WDR17: variants seen among roughly 807,000 people sequenced by gnomAD.
WDR17 encodes the protein WD repeat-containing protein 17.
Under a neutral mutation model 161.7 loss-of-function variants are expected in WDR17, and 143 were observed. The ratio of observed to expected loss-of-function variants is 0.88; its 90% confidence interval spans 0.77 to 1.02. The LOEUF (loss-of-function observed/expected upper bound fraction) is 1.02, where lower values mean the gene tolerates loss of function less well. WDR17 is among the 50% of genes least tolerant of loss of function. The pLI, the probability that WDR17 is intolerant of heterozygous loss-of-function variation, is 0.00. For missense variants in WDR17, 1,469 were observed against 1,520.9 expected (o/e 0.97, Z 0.57); for synonymous variants, 517 against 515.6 (o/e 1.00, Z -0.04).
intron 1 of WDR17, among the ~76,000 whole-genome samples, chr4:176,087,014 C>T (rs1735505653): frequency 6.6e-6 from 1 of 151,806 alleles, no homozygotes; most frequent in African/African-American, 2.4e-5. Context: ...TCCATTTATC[C>T]TGCTGTCTTT....
At chr4:176,135,049 A>G (rs1011316833) in intron 7 of WDR17, 59 bp from the exon 8 acceptor site, 9 of 1,521,896 alleles carry the variant, frequency 5.9e-6, no homozygotes, top group Non-Finnish European at 7.2e-6. Context: ...ATTGTGGTTC[A>G]TCTATTAATA....
At position 176,107,537 on chromosome 4, in the gene WDR17, C is replaced by A. The variant is rs185561399; in HGVS notation, c.-6-4038C>A. Among the ~76,000 whole-genome samples, 72 of 151,066 alleles carry A rather than the reference C, an allele frequency of 4.8e-4. 1 individual carries two copies. Among genetic ancestry groups the A allele is most frequent in the African/African-American group, 1.7e-3 (69 of 41,054 alleles). ...TAAAACATGGAAGCAATCCAGGCGA[C>A]AAATCACAGACACGTGGATAAGGAA... On this transcript the variant is annotated intron_variant, in intron 1 of 28. Coordinates refer to ENST00000508596, the MANE Select transcript of WDR17 (RefSeq NM_181265.4).
chr4:176,168,849 C>T, intron 23 of WDR17, 66 bp downstream of exon 23: 1 of 1,542,564 alleles, frequency 6.5e-7, no homozygotes, highest in East Asian at 2.3e-5. Flanking sequence ...ATTGTAGGTT[C>T]AAGCAAATAG....
At chr4:176,104,985 T>G (rs1282322238) in intron 1 of WDR17, among the ~76,000 whole-genome samples, 1 of 151,658 alleles carries the variant, frequency 6.6e-6, no homozygotes, top group Non-Finnish European at 1.5e-5. Flanking sequence ...CGTCTACAGT[T>G]GATTCACTTG....
intron 1 of WDR17, among the ~76,000 whole-genome samples, chr4:176,093,494 T>A (rs918716771): frequency 1.3e-5 from 2 of 152,198 alleles, no homozygotes; most frequent in Non-Finnish European, 2.9e-5. Context: ...TCTATTTTAT[T>A]TTAATTACTG....
intron 25 of WDR17, 112 bp from the exon 26 acceptor site, chr4:176,174,505 A>G (rs374783613): frequency 5.9e-6 from 4 of 677,948 alleles, no homozygotes; most frequent in Admixed American, 3.6e-5. Context: ...CTAAACATAT[A>G]TTGCTATAAA....
At chr4:176,173,069 T>A (rs1307938408) in intron 24 of WDR17, among the ~76,000 whole-genome samples, 198 bp from the exon 25 acceptor site, 1 of 152,178 alleles carries the variant, frequency 6.6e-6, no homozygotes, top group African/African-American at 2.4e-5. Flanking sequence ...AGAGTGATGC[T>A]GATGTGAAAT....
At chr4:176,159,966 G>A in intron 18 of WDR17, 28 bp from the exon 19 acceptor site, 1 of 1,548,230 alleles carries the variant, frequency 6.5e-7, no homozygotes, top group Non-Finnish European at 8.8e-7. Flanking sequence ...ATAATATATT[G>A]TTTAAAAAAC....
rs1751934197 is a variant in WDR17 at position 176,179,529 on chromosome 4, G to A, written c.3802G>A (p.Val1268Met). Residue 1268 changes from valine to methionine, a missense_variant, in exon 29 of 29, where the codon GTG becomes ATG. Coordinates refer to ENST00000508596, the MANE Select transcript of WDR17 (RefSeq NM_181265.4). ...GAATGATGCTTTGATGTGGGCAAAG[G>A]TGAATCCATTCTCACCTTTAGGGAC... ...SLNDALMWAK[V>M]NPFSPLGTGI... is the part of the protein sequence containing the mutation. 1 of 1,605,968 alleles carries A rather than the reference G, an allele frequency of 6.2e-7. No homozygotes were observed. Among genetic ancestry groups the A allele is most frequent in the Admixed American group, 1.7e-5 (1 of 59,322 alleles).
At chr4:176,104,753 G>T (rs2126671340) in intron 1 of WDR17, among the ~76,000 whole-genome samples, 1 of 152,090 alleles carries the variant, frequency 6.6e-6, no homozygotes, top group East Asian at 1.9e-4. Flanking sequence ...AGAAGAAAAT[G>T]AGAAAGGAAT....
At chr4:176,173,426 C>A in intron 25 of WDR17, 57 bp downstream of exon 25, 1 of 1,205,342 alleles carries the variant, frequency 8.3e-7, no homozygotes, top group South Asian at 1.3e-5. Context: ...TTTAAAGTGG[C>A]TCCATTGTTT....
intron 1 of WDR17, among the ~76,000 whole-genome samples, chr4:176,077,673 TA>T (rs558165574): frequency 2.6e-5 from 4 of 151,460 alleles, no homozygotes; most frequent in African/African-American, 7.3e-5. Context: ...TCATGTAACT[TA>T]AAAAAAAATC....
chr4:176,079,504 TAC>T (rs1342026346), intron 1 of WDR17, among the ~76,000 whole-genome samples: 1 of 152,164 alleles, frequency 6.6e-6, no homozygotes, highest in East Asian at 1.9e-4. Context: ...TTTAAAAATT[TAC>T]ACATAGTCTT....
intron 1 of WDR17, among the ~76,000 whole-genome samples, chr4:176,069,699 A>G (rs1732978338): frequency 6.6e-6 from 1 of 152,158 alleles, no homozygotes; most frequent in Non-Finnish European, 1.5e-5. Flanking sequence ...AGACTCATTT[A>G]CAATGATGTG....
chr4:176,162,582 A>G (rs1749188875), intron 21 of WDR17, among the ~76,000 whole-genome samples: 1 of 152,204 alleles, frequency 6.6e-6, no homozygotes, highest in Non-Finnish European at 1.5e-5. Flanking sequence ...AAATGAAAAT[A>G]TGAATACCTC....
chr4:176,079,232 T>C (rs1388364626), intron 1 of WDR17, among the ~76,000 whole-genome samples: 1 of 152,190 alleles, frequency 6.6e-6, no homozygotes, highest in Admixed American at 6.6e-5. Context: ...TGGTATTTCA[T>C]TGTGTATATA....
rs149735182 is a variant in WDR17, at chr4:176,116,174, C to T, written c.307+195C>T. Among the ~76,000 whole-genome samples the T allele has an allele frequency of 1.2e-3, 177 of 151,698 alleles. 7 individuals carry two copies. In the East Asian group the frequency reaches 0.03, roughly 26 times the overall value. Reference sequence around the variant, plus strand: ...AACAAAATTTCATGAAATAATTATACGTAGAACATATGATCGACTAAAAAC... The same window carrying T: ...AACAAAATTTCATGAAATAATTATATGTAGAACATATGATCGACTAAAAAC... On this transcript the variant is annotated intron_variant, in intron 3 of 28. Coordinates refer to ENST00000508596, the MANE Select transcript of WDR17 (RefSeq NM_181265.4).
intron 22 of WDR17, among the ~76,000 whole-genome samples, chr4:176,163,902 C>G (rs1749410690): frequency 6.6e-6 from 1 of 152,126 alleles, no homozygotes; most frequent in Admixed American, 6.6e-5. Context: ...TCCGTCATTC[C>G]TTAGATGTTT....
intron 24 of WDR17, 113 bp from the exon 25 acceptor site, chr4:176,173,154 T>C: frequency 1.7e-6 from 1 of 605,250 alleles, no homozygotes; most frequent in South Asian, 3.0e-5. Flanking sequence ...ATCTAGAAAA[T>C]AAAGAGGTAA....
Sources: allele counts gnomAD v4.1 joint callset (sites outside exome capture counted in the v4.1 genomes callset), GRCh38; gene constraint gnomAD v4.1.1; transcripts MANE v1.5; gene names NCBI Gene and HGNC (gene_info 2026-07-23, HGNC 2026-07-21).